The following PPWD1 variants were observed in gnomAD, a reference collection of about 807,000 sequenced individuals.
PPWD1 encodes peptidylprolyl isomerase domain and WD repeat-containing protein 1.
A neutral mutation model predicts 68.8 loss-of-function variants in PPWD1; 43 were observed. The observed-to-expected ratio is 0.62, with a 90% CI of 0.49 to 0.81. The LOEUF (loss-of-function observed/expected upper bound fraction) is 0.81, where lower values mean the gene tolerates loss of function less well. Among genes scored for constraint, PPWD1 ranks in the 30% least tolerant of loss-of-function variants. The pLI, the probability that PPWD1 is intolerant of heterozygous loss-of-function variation, is 0.00. For missense variants in PPWD1, 672 were observed against 804.8 expected (o/e 0.83, Z 2.00); for synonymous variants, 232 against 258.7 (o/e 0.90, Z 0.99).
intron 1 of PPWD1, 194 bp downstream of exon 1, chr5:65,563,700 T>C: frequency 7.2e-7 from 1 of 1,386,582 alleles, no homozygotes; most frequent in South Asian, 1.2e-5. Context: ...AACGTCTTTT[T>C]GATAATATCT....
chr5:65,582,989 C>T, intron 7 of PPWD1, 49 bp from the exon 8 acceptor site: 10 of 1,432,586 alleles, frequency 7.0e-6, no homozygotes, highest in South Asian at 3.3e-5. Context: ...AAATTTTTAC[C>T]AGATGAAAAC....
At chr5:65,584,878 G>C (rs201113007) in intron 8 of PPWD1, 136 bp from the exon 9 acceptor site, 5 of 1,163,264 alleles carry the variant, frequency 4.3e-6, no homozygotes, top group Non-Finnish European at 5.7e-6. Flanking sequence ...TAGAGATTAT[G>C]AAAAAAAAAA....
chr5:65,568,881 C>T (rs1196673985), intron 2 of PPWD1: 1 of 455,184 alleles, frequency 2.2e-6, no homozygotes, highest in Non-Finnish European at 4.4e-6. Context: ...CTGTCACTCT[C>T]TTCTCAAATA....
chr5:65,566,816 C>CTTTTTTTTTTT (rs1752794662), intron 1 of PPWD1, among the ~76,000 whole-genome samples: 1 of 85,720 alleles, frequency 1.2e-5, no homozygotes, highest in Non-Finnish European at 3.0e-5. Flanking sequence ...CCATCCCTTT[C>CTTTTTTTTTTT]TTTCTTTTTT....
intron 5 of PPWD1, among the ~76,000 whole-genome samples, chr5:65,575,092 T>A (rs1753223004): frequency 6.6e-6 from 1 of 152,164 alleles, no homozygotes; most frequent in African/African-American, 2.4e-5. Context: ...TTAACCAGGG[T>A]CACTATATAT....
rs1289869336 is a variant in PPWD1 at position 65,577,022 on chromosome 5, G to A, written c.1113G>A (p.Leu371=). Residue 371 remains leucine, a synonymous_variant, in exon 6 of 11, where the codon CTG becomes CTA. Transcript: ENST00000261308. The stretch of plus-strand genomic sequence containing the variant: ...TTGATGAAACTGGACACTTCGTGCT[G>A]TATGGAACAATGCTGGGCATTAAAG... ...IVFDETGHFV[L]YGTMLGIKVI... 6.2e-7 allele frequency: 1 copy of A among 1,614,076 alleles called. No homozygotes were observed. Among genetic ancestry groups the A allele is most frequent in the South Asian group, 1.1e-5 (1 of 91,072 alleles).
intron 1 of PPWD1, chr5:65,563,981 T>C (rs1434614903): frequency 1.3e-6 from 1 of 774,614 alleles, no homozygotes; most frequent in Non-Finnish European, 2.1e-6. Context: ...ACACTTCCAC[T>C]AATAAATTTT....
chr5:65,576,727 T>G, intron 5 of PPWD1, 152 bp from the exon 6 acceptor site: 2 of 1,334,184 alleles, frequency 1.5e-6, no homozygotes, highest in East Asian at 2.6e-5. Context: ...TCATATTGTT[T>G]AGAATCCCTC....
chr5:65,586,230 G>A, intron 10 of PPWD1, 49 bp downstream of exon 10: 1 of 1,540,114 alleles, frequency 6.5e-7, no homozygotes, highest in Non-Finnish European at 8.8e-7. Context: ...AGGTTATGAT[G>A]TAAGAGAGTG....
At chr5:65,578,129 G>T (rs533542364) in intron 6 of PPWD1, among the ~76,000 whole-genome samples, 1 of 152,040 alleles carries the variant, frequency 6.6e-6, no homozygotes, top group Non-Finnish European at 1.5e-5. Context: ...GGCTCCTTTC[G>T]GTAATATGCA....
chr5:65,583,006 T>C (rs1288002263), intron 7 of PPWD1, 32 bp from the exon 8 acceptor site: 1 of 1,478,972 alleles, frequency 6.8e-7, no homozygotes. Context: ...AAACTTTAAT[T>C]CGTTGACTCA....
intron 6 of PPWD1, among the ~76,000 whole-genome samples, chr5:65,578,712 A>G (rs1450468193): frequency 7.2e-6 from 1 of 138,838 alleles, no homozygotes; most frequent in South Asian, 2.3e-4. Flanking sequence ...TTCTTTATAT[A>G]TATGTATATA....
intron 5 of PPWD1, among the ~76,000 whole-genome samples, chr5:65,574,448 CTTTTTTTTTTTTTTT>C (rs573705705): frequency 1.4e-4 from 13 of 91,974 alleles, no homozygotes; most frequent in South Asian, 4.7e-4. Flanking sequence ...ACACAAATCT[CTTTTTTTTTTTTTTT>C]TTTTTTTTTT....
intron 5 of PPWD1, among the ~76,000 whole-genome samples, chr5:65,574,530 C>T (rs1027703114): frequency 9.2e-5 from 13 of 141,922 alleles, no homozygotes; most frequent in Non-Finnish European, 1.5e-4. Context: ...GTGGCTCAAT[C>T]GCGGCTCACT....
In PPWD1 at chr5:65,570,005, C is replaced by G. The variant is rs1561723277; in HGVS notation, c.521+7C>G. On this transcript the variant is annotated splice_region_variant and intron_variant, in intron 4 of 10. Coordinates refer to ENST00000261308, the MANE Select transcript of PPWD1 (RefSeq NM_015342.4). ...TCAACATGCTGAAACTTGGGTGAGT[C>G]TTTTTAAAAGTATATATATTTTAAC... The G allele has an allele frequency of 6.2e-7, 1 of 1,605,856 alleles. No individual in the cohort carries two copies. Among genetic ancestry groups the G allele is most frequent in the Admixed American group, 1.7e-5 (1 of 59,388 alleles).
rs954954822 is a variant in PPWD1, at chr5:65,587,507, A to G, written c.*111A>G. The G allele has an allele frequency of 1.0e-5, 9 of 862,956 alleles. No individual in the cohort carries two copies. The highest frequency in any genetic ancestry group is 7.7e-5 in the Admixed American group (2 of 25,818). 53.5% of individuals were successfully genotyped at this position (862,956 alleles called of 1,614,324 possible). ...TATACAGATCATGTTTCAAAGATAC[A>G]GTATTTTTGTATTTTTTATTAAAGG... On this transcript the variant is annotated 3_prime_UTR_variant, in exon 11 of 11. Coordinates refer to ENST00000261308, the MANE Select transcript of PPWD1 (RefSeq NM_015342.4).
At chr5:65,579,741 C>A (rs1753513455) in intron 7 of PPWD1, 128 bp downstream of exon 7, 2 of 542,066 alleles carry the variant, frequency 3.7e-6, no homozygotes, top group Non-Finnish European at 3.0e-6. Context: ...ACCAGAATAC[C>A]ATCTTACATT....
intron 7 of PPWD1, chr5:65,582,545 C>A (rs533636359): frequency 2.0e-4 from 30 of 153,138 alleles, no homozygotes; most frequent in Non-Finnish European, 3.5e-4. Context: ...AATATCTATT[C>A]GTTTAATCTT....
chr5:65,564,233 G>T (rs1482115043), intron 1 of PPWD1, among the ~76,000 whole-genome samples: 1 of 151,404 alleles, frequency 6.6e-6, no homozygotes, highest in Non-Finnish European at 1.5e-5. Flanking sequence ...AAGTATTTAA[G>T]ACATTTTAAA....
Sources: gnomAD v4.1 joint callset for allele counts (sites outside exome capture counted in the v4.1 genomes callset) on GRCh38, gnomAD v4.1.1 for gene constraint, MANE v1.5 for transcripts, NCBI Gene and HGNC (gene_info 2026-07-23, HGNC 2026-07-21) for gene names.